PRC1: variants seen among roughly 807,000 people sequenced by gnomAD.
PRC1 encodes the protein protein regulator of cytokinesis 1, also known as anaphase spindle elongation 1 homolog.
A neutral mutation model predicts 91.2 loss-of-function variants in PRC1; 54 were observed. The observed-to-expected ratio is 0.59, with a 90% CI of 0.48 to 0.74. The LOEUF (loss-of-function observed/expected upper bound fraction) is 0.74. Among genes scored for constraint, PRC1 ranks in the 30% least tolerant of loss-of-function variants. The pLI is 0.00. For synonymous variants in PRC1, 275 were observed against 263.6 expected, an observed-to-expected ratio of 1.04 and a Z score of -0.42; for missense variants, 727 against 746.2, an observed-to-expected ratio of 0.97 and a Z score of 0.30.
In PRC1 at chr15:90,966,581, A is replaced by AC; in HGVS notation, c.*549dup. ...CAAAGCTGCTCCCAGCCTTCCTGTC[A>AC]CCTCTTTGGCAGTAGGGCAGGCCAT... On this transcript the variant is annotated 3_prime_UTR_variant, in exon 15 of 15. Transcript: ENST00000394249. 1 of 456,110 alleles carries AC rather than the reference A, an allele frequency of 2.2e-6. No individual in the cohort carries two copies. Among genetic ancestry groups the AC allele is most frequent in the South Asian group, 1.5e-5 (1 of 64,564 alleles). 28.3% of individuals were successfully genotyped at this position (456,110 alleles called of 1,614,324 possible).
In PRC1 at chr15:90,984,048, C is replaced by A. The variant is rs1263506391; in HGVS notation, c.237G>T (p.Leu79=). ...ISVCQKELNT[L]CSELHVEPFQ... is the part of the protein sequence containing the mutation. ...ATGGCTCAACATGTAACTCGCTGCA[C>A]AGAGTGTTCAGCTCTTTCTGACAGA... is the stretch of plus-strand genomic sequence containing the variant. The change falls in exon 3 of 15, where the codon CTG becomes CTT. Residue 79 remains leucine, a synonymous_variant. Coordinates refer to ENST00000394249, the MANE Select transcript of PRC1 (RefSeq NM_003981.4). The surrounding 1 kb of genome is among the most constrained non-coding windows in gnomAD (Gnocchi z 5.1). 1 of 1,614,036 alleles carries A rather than the reference C, an allele frequency of 6.2e-7. No individual in the cohort carries two copies.
chr15:90,975,736 G>C (rs1312603007), intron 9 of PRC1, among the ~76,000 whole-genome samples: 1 of 152,132 alleles, frequency 6.6e-6, no homozygotes, highest in Non-Finnish European at 1.5e-5. Flanking sequence ...TGTAACCCTA[G>C]CATTCCTGAG....
At chr15:90,969,167 G>A in intron 13 of PRC1, 47 bp from the exon 14 acceptor site, 1 of 1,566,730 alleles carries the variant, frequency 6.4e-7, no homozygotes, top group Non-Finnish European at 8.8e-7. Flanking sequence ...CACCAAGAGA[G>A]CACCAGGACA....
chr15:90,993,017 T>C (rs903743314), intron 1 of PRC1, among the ~76,000 whole-genome samples: 1 of 118,878 alleles, frequency 8.4e-6, no homozygotes, highest in Non-Finnish European at 1.6e-5. Flanking sequence ...AAAGCTGCAG[T>C]GAGCAATCTC....
rs960551098 is a variant in PRC1, at chr15:90,969,541, T to C, written c.1655A>G (p.Asn552Ser). 6.8e-6 allele frequency: 11 copies of C among 1,613,756 alleles called. No individual in the cohort carries two copies. The African/African-American group carries it at 1.2e-4, about 18-fold the overall frequency. ...HGANKENLEL[N>S]GSILSGGYPG... ...GTACCCACCACTCAGGATGCTGCCG[T>C]TGAGCTCCAGGTTCTCCTTGTTGGC... The change falls in exon 13 of 15, where the codon AAC (asparagine) becomes AGC (serine). Residue 552 changes from asparagine (N) to serine (S), a missense_variant. Transcript: ENST00000394249.
At chr15:90,986,694 TTTTA>T (rs149790373) in intron 1 of PRC1, among the ~76,000 whole-genome samples, 9 of 151,562 alleles carry the variant, frequency 5.9e-5, no homozygotes, top group South Asian at 4.1e-4. Context: ...TATATTTCTA[TTTTA>T]TTTATTTATT....
rs1207624344 is a variant in PRC1, at chr15:90,979,433, G to A, written c.971-139C>T. The A allele has an allele frequency of 2.0e-5, 19 of 963,484 alleles. No individual in the cohort carries two copies. In the East Asian group the frequency reaches 3.3e-4, roughly 17 times the overall value. 59.7% of individuals were successfully genotyped at this position (963,484 alleles called of 1,614,324 possible). On this transcript the variant is annotated intron_variant, in intron 7 of 14. Coordinates refer to ENST00000394249, the MANE Select transcript of PRC1 (RefSeq NM_003981.4). ...TACAGGAAGAGGCGTGTGTGTGTGT[G>A]TAATAGATATATAGTGGTTAATAAA...
At chr15:90,985,494 G>A (rs2039510424) in intron 1 of PRC1, among the ~76,000 whole-genome samples, 2 of 150,990 alleles carry the variant, frequency 1.3e-5, no homozygotes, top group Admixed American at 6.6e-5. Flanking sequence ...GCCTCCCAAA[G>A]TGCTAGGATT....
At chr15:90,970,200 G>T (rs565487251) in intron 12 of PRC1, among the ~76,000 whole-genome samples, 1 of 152,088 alleles carries the variant, frequency 6.6e-6, no homozygotes, top group African/African-American at 2.4e-5. Flanking sequence ...TGGTACCAGT[G>T]GGGCTCAGAG....
Position 90,974,506 on chromosome 15 carries a change from C to A in PRC1, c.1350+79G>T. ...TCCCCGGCTCCCTGTTCCACAAACC[C>A]TGGTCCCCGGCAGAGACTATGGGCT... On this transcript the variant is annotated intron_variant, in intron 10 of 14. Transcript: ENST00000394249. This position sits in a 1 kb window ranked among gnomAD's most constrained non-coding sequence, Gnocchi z 4.6. 6.3e-7 allele frequency: 1 copy of A among 1,582,862 alleles called. No homozygotes were observed. The highest frequency in any genetic ancestry group is 8.6e-7 in the Non-Finnish European group (1 of 1,160,614).
intron 3 of PRC1, 184 bp from the exon 4 acceptor site, chr15:90,982,165 G>GT (rs2151546138): frequency 1.6e-6 from 1 of 611,734 alleles, no homozygotes; most frequent in South Asian, 2.0e-5. Context: ...GGAAAAGTGA[G>GT]TAAGTACCAG....
chr15:90,968,196 G>A lies in PRC1; in HGVS notation c.1791+883C>T, dbSNP rs971689285. 8.9e-5 allele frequency: 88 copies of A among 985,250 alleles called. 1 individual carries two copies. Among genetic ancestry groups the A allele is most frequent in the Non-Finnish European group, 1.0e-4 (85 of 829,946 alleles). 61.0% of individuals were successfully genotyped at this position (985,250 alleles called of 1,614,324 possible). A position where few individuals can be genotyped will look rare whatever the true frequency, so the allele number is the denominator to read the frequency against. On this transcript the variant is annotated intron_variant, in intron 14 of 14. Coordinates refer to ENST00000394249, the MANE Select transcript of PRC1 (RefSeq NM_003981.4). Reference sequence around the variant, plus strand: ...TAAAATGGGCCTTGGTTGAACAAGCGAAAAAGAGAAAGCTGGACCTCTGTC... The same window carrying A: ...TAAAATGGGCCTTGGTTGAACAAGCAAAAAAGAGAAAGCTGGACCTCTGTC...
Position 90,974,279 on chromosome 15 carries a change from C to G in PRC1, c.1351-33G>C, listed in dbSNP as rs117549609. 949 of 1,571,276 alleles carry G rather than the reference C, an allele frequency of 6.0e-4. No homozygotes were observed. Among genetic ancestry groups the G allele is most frequent in the Non-Finnish European group, 7.9e-4 (904 of 1,141,528 alleles). The stretch of plus-strand genomic sequence containing the variant: ...AAAGTCAGAAGCAACAGTGATAAAT[C>G]TCAGGAAGAGAGCGGGTCTGGGATG... On this transcript the variant is annotated intron_variant, in intron 10 of 14. Coordinates refer to ENST00000394249, the MANE Select transcript of PRC1 (RefSeq NM_003981.4). This position sits in a 1 kb window ranked among gnomAD's most constrained non-coding sequence, Gnocchi z 4.6.
chr15:90,973,469 T>TA (rs2038358980), intron 11 of PRC1, among the ~76,000 whole-genome samples: 1 of 152,138 alleles, frequency 6.6e-6, no homozygotes, highest in African/African-American at 2.4e-5. Flanking sequence ...CAGCCTGAGA[T>TA]ATGGCCTCGT....
chr15:90,975,036 G>A (rs1271006572), intron 9 of PRC1, among the ~76,000 whole-genome samples: 1 of 152,218 alleles, frequency 6.6e-6, no homozygotes, highest in East Asian at 1.9e-4. Context: ...AACATTAGGA[G>A]CAGGACTCTG....
chr15:90,967,626 G>C (rs1184150940), intron 14 of PRC1: 1 of 173,012 alleles, frequency 5.8e-6, no homozygotes. Context: ...AGTATCCCAG[G>C]AATAGCCTGA....
chr15:90,979,396 A>G (rs375205929), intron 7 of PRC1, 102 bp from the exon 8 acceptor site: 10 of 1,305,918 alleles, frequency 7.7e-6, no homozygotes, highest in Non-Finnish European at 9.5e-6. Context: ...TTCTTTCCTT[A>G]TAGTAAACTG....
Position 90,984,489 on chromosome 15 carries a change from A to C in PRC1, c.144+204T>G, listed in dbSNP as rs900936368. On this transcript the variant is annotated intron_variant, in intron 2 of 14. Coordinates refer to ENST00000394249, the MANE Select transcript of PRC1 (RefSeq NM_003981.4). This position sits in a 1 kb window ranked among gnomAD's most constrained non-coding sequence, Gnocchi z 5.1. ...AGCAATCCATGCGCCTCGGCCTCCC[A>C]AAGTGCTGGGATTACAGGCATGAGC... is the stretch of plus-strand genomic sequence containing the variant. Among the ~76,000 whole-genome samples, 16 of 152,088 alleles carry C rather than the reference A, an allele frequency of 1.1e-4. No individual in the cohort carries two copies. The highest frequency in any genetic ancestry group is 4.4e-5 in the Non-Finnish European group (3 of 67,994).
intron 11 of PRC1, among the ~76,000 whole-genome samples, chr15:90,972,041 C>CAA (rs371544842): frequency 0.015 from 2,176 of 148,526 alleles, 58 homozygotes; most frequent in African/African-American, 0.052. Context: ...AAAACAAAAC[C>CAA]AAAAAAAACA....
Sources: gnomAD v4.1 joint callset for allele counts (sites outside exome capture counted in the v4.1 genomes callset) on GRCh38, gnomAD v4.1.1 for gene constraint, Gnocchi (gnomAD v3.1) non-coding constraint, MANE v1.5 for transcripts, NCBI Gene and HGNC (gene_info 2026-07-23, HGNC 2026-07-21) for gene names.